Variants in TMEM132D observed in about 807,000 individuals in gnomAD.
TMEM132D encodes mature OL transmembrane protein.
Under a neutral mutation model 62.3 loss-of-function variants are expected in TMEM132D, and 21 were observed. The observed-to-expected ratio is 0.34, with a 90% confidence interval of 0.24 to 0.49. TMEM132D has a LOEUF of 0.49. Ranked by LOEUF, TMEM132D falls within the 20% of genes least tolerant of loss-of-function variation. The pLI is 0.99. For missense variants in TMEM132D, 1,346 were observed against 1,402.8 expected (o/e 0.96, Z 0.65); for synonymous variants, 621 against 575.6 (o/e 1.08, Z -1.13).
chr12:129,208,934 C>T (rs1471190079), intron 5 of TMEM132D: 1 of 152,204 alleles, frequency 6.6e-6, no homozygotes, highest in Non-Finnish European at 1.5e-5. Context: ...AAAGAAGAGG[C>T]TGAGACGAAG....
intron 3 of TMEM132D, among the ~76,000 whole-genome samples, chr12:129,349,393 C>A (rs964505023): frequency 1.3e-5 from 2 of 152,120 alleles, no homozygotes; most frequent in African/African-American, 4.8e-5. Flanking sequence ...GGTTTATAGG[C>A]AGAAGTAGCT....
intron 2 of TMEM132D, among the ~76,000 whole-genome samples, chr12:129,670,674 G>A (rs1313817877): frequency 1.3e-5 from 2 of 152,166 alleles, no homozygotes; most frequent in Non-Finnish European, 2.9e-5. Flanking sequence ...CCCACAGCAG[G>A]CTCTGTGTGA....
chr12:129,332,380 A>T (rs981146043), intron 4 of TMEM132D, among the ~76,000 whole-genome samples: 15 of 151,806 alleles, frequency 9.9e-5, no homozygotes, highest in Admixed American at 1.3e-4. Flanking sequence ...ACAAAATATT[A>T]AAAAAAAATT....
At chr12:129,541,781 C>T (rs1308747381) in intron 2 of TMEM132D, among the ~76,000 whole-genome samples, 1 of 152,072 alleles carries the variant, frequency 6.6e-6, no homozygotes, top group South Asian at 2.1e-4. Context: ...TAAGCCATGT[C>T]GAGTCCTTAA....
chr12:129,456,537 A>T (rs1426884270), intron 3 of TMEM132D, among the ~76,000 whole-genome samples: 1 of 152,160 alleles, frequency 6.6e-6, no homozygotes, highest in Non-Finnish European at 1.5e-5. Context: ...CTGTCCCTCC[A>T]TGTGGCTCTC....
At chr12:129,449,860 G>A (rs1164429110) in intron 3 of TMEM132D, among the ~76,000 whole-genome samples, 1 of 152,214 alleles carries the variant, frequency 6.6e-6, no homozygotes, top group Non-Finnish European at 1.5e-5. Context: ...ATATGGATAT[G>A]TTGGATCAGT....
intron 1 of TMEM132D, among the ~76,000 whole-genome samples, chr12:129,812,524 T>C (rs899732487): frequency 6.6e-5 from 10 of 151,846 alleles, no homozygotes; most frequent in African/African-American, 2.4e-4. Flanking sequence ...CTCCATTTCC[T>C]CGTTAGTCTT....
At chr12:129,428,145 G>A (rs547228747) in intron 3 of TMEM132D, among the ~76,000 whole-genome samples, 1 of 152,254 alleles carries the variant, frequency 6.6e-6, no homozygotes, top group African/African-American at 2.4e-5. Context: ...AAGGTCAGAG[G>A]TGATGTCCTA....
At chr12:129,731,758 G>T (rs1869251649) in intron 1 of TMEM132D, among the ~76,000 whole-genome samples, 1 of 152,118 alleles carries the variant, frequency 6.6e-6, no homozygotes, top group Admixed American at 6.5e-5. Context: ...CGCCTCCCGG[G>T]TTCACACTAT....
chr12:129,388,261 A>G (rs1272243939), intron 3 of TMEM132D, among the ~76,000 whole-genome samples: 1 of 130,448 alleles, frequency 7.7e-6, no homozygotes, highest in South Asian at 2.2e-4. Context: ...ACCGACACCA[A>G]TACTAACACC....
chr12:129,448,877 T>A (rs1184926891), intron 3 of TMEM132D, among the ~76,000 whole-genome samples: 1 of 152,236 alleles, frequency 6.6e-6, no homozygotes, highest in African/African-American at 2.4e-5. Context: ...CTATATTTAC[T>A]AGTTGTCCCA....
chr12:129,314,342 A>G (rs1327047242), intron 4 of TMEM132D, among the ~76,000 whole-genome samples: 1 of 152,174 alleles, frequency 6.6e-6, no homozygotes, highest in Non-Finnish European at 1.5e-5. Flanking sequence ...TGGCTAGCCA[A>G]TTATCTCAGC....
At chr12:129,433,290 G>T (rs1593006562) in intron 3 of TMEM132D, among the ~76,000 whole-genome samples, 1 of 152,308 alleles carries the variant, frequency 6.6e-6, no homozygotes, top group East Asian at 1.9e-4. Context: ...AAATTGCTGA[G>T]TAATTGAGAC....
intron 1 of TMEM132D, among the ~76,000 whole-genome samples, chr12:129,781,243 G>A (rs1464345720): frequency 6.6e-6 from 1 of 152,090 alleles, no homozygotes. Flanking sequence ...TGGTTCATCT[G>A]TCTTAATCTA....
At chr12:129,373,269 G>A (rs894990413) in intron 3 of TMEM132D, among the ~76,000 whole-genome samples, 2 of 152,132 alleles carry the variant, frequency 1.3e-5, no homozygotes, top group Non-Finnish European at 2.9e-5. Context: ...GCATTTAAGT[G>A]ATAAAAGTTT....
intron 1 of TMEM132D, among the ~76,000 whole-genome samples, chr12:129,872,222 C>G (rs890155167): frequency 6.6e-6 from 1 of 152,222 alleles, no homozygotes; most frequent in Non-Finnish European, 1.5e-5. Flanking sequence ...GACAACAAAG[C>G]CTCTCCTAAC....
At position 129,216,799 on chromosome 12, in the gene TMEM132D, T is replaced by G. The variant is rs558887503; in HGVS notation, c.1300-7136A>C. On this transcript the variant is annotated intron_variant, in intron 4 of 8. Coordinates refer to ENST00000422113, the MANE Select transcript of TMEM132D (RefSeq NM_133448.3). ...CCTGGGCATCCACCTCCAAGCATGT[T>G]TGCAGAGAGAATTAAGAGCTTGCTC... Among the ~76,000 whole-genome samples, 4 of 152,324 alleles carry G rather than the reference T, an allele frequency of 2.6e-5. No individual in the cohort carries two copies. In the South Asian group the frequency reaches 8.3e-4, roughly 32 times the overall value.
At chr12:129,763,300 A>G (rs1159093025) in intron 1 of TMEM132D, among the ~76,000 whole-genome samples, 1 of 151,502 alleles carries the variant, frequency 6.6e-6, no homozygotes, top group East Asian at 2.0e-4. Flanking sequence ...CTGGTCTCAA[A>G]CTCCTGGGCT....
intron 4 of TMEM132D, among the ~76,000 whole-genome samples, chr12:129,247,269 G>A (rs1442552679): frequency 6.6e-6 from 1 of 151,988 alleles, no homozygotes; most frequent in African/African-American, 2.4e-5. Flanking sequence ...TCTACATTTC[G>A]GGCCTTGGAG....
Sources: allele counts gnomAD v4.1 joint callset (sites outside exome capture counted in the v4.1 genomes callset), GRCh38; gene constraint gnomAD v4.1.1; transcripts MANE v1.5; gene names NCBI Gene and HGNC (gene_info 2026-07-23, HGNC 2026-07-21).